LDLRAD4: variants seen among roughly 807,000 people sequenced by gnomAD.
LDLRAD4 encodes low density lipoprotein receptor class A domain containing 4.
In LDLRAD4, 5 loss-of-function variants were observed where a neutral mutation model predicts 17.0. That is an observed-to-expected ratio of 0.29 (90% CI 0.15 to 0.62). LDLRAD4 has a LOEUF of 0.62. LDLRAD4 is among the 20% of genes least tolerant of loss of function. LDLRAD4 has a pLI of 0.84. For missense variants in LDLRAD4, 340 were observed against 424.7 expected, an observed-to-expected ratio of 0.80 and a Z score of 1.75; for synonymous variants, 168 against 171.8, an observed-to-expected ratio of 0.98 and a Z score of 0.17.
chr18:13,284,715 G>T (rs540424482), intron 1 of LDLRAD4, among the ~76,000 whole-genome samples: 2 of 152,132 alleles, frequency 1.3e-5, no homozygotes, highest in African/African-American at 2.4e-5. Context: ...CCTCTGGTGC[G>T]GTTTGGGGGG....
chr18:13,571,084 T>C (rs974907220), intron 3 of LDLRAD4, among the ~76,000 whole-genome samples: 4 of 152,122 alleles, frequency 2.6e-5, no homozygotes, highest in Non-Finnish European at 5.9e-5. Context: ...CCTCCTGAAG[T>C]GCTGGGATTA....
chr18:13,638,830 G>A (rs998796899), intron 4 of LDLRAD4, among the ~76,000 whole-genome samples: 8 of 152,166 alleles, frequency 5.3e-5, no homozygotes, highest in African/African-American at 1.9e-4. Context: ...CAGAGCCCCT[G>A]TCTCCCAGCC....
At chr18:13,469,885 G>C (rs576264887) in intron 3 of LDLRAD4, among the ~76,000 whole-genome samples, 1 of 152,308 alleles carries the variant, frequency 6.6e-6, no homozygotes, top group East Asian at 1.9e-4. Context: ...GATTCTTTGA[G>C]CCAGGGATTT....
chr18:13,645,903 T>G lies in LDLRAD4; in HGVS notation c.*246T>G. On this transcript the variant is annotated 3_prime_UTR_variant, in exon 6 of 6. Coordinates refer to ENST00000359446, the Ensembl canonical transcript of LDLRAD4. This position sits in a 1 kb window ranked among gnomAD's most constrained non-coding sequence, Gnocchi z 5.7. ...TTGGGGACAGGGGTTGGGATGGGGG[T>G]GTGGGCAGGGGAAAACAGAGAACGG... The G allele has an allele frequency of 2.7e-6, 1 of 367,666 alleles. No homozygotes were observed. The allele number at this position is 367,666 out of a possible 1,614,324, so 22.8% of individuals were successfully genotyped here.
Position 13,440,854 on chromosome 18 carries a change from G to C in LDLRAD4, c.181+2470G>C, listed in dbSNP as rs1448696241. ...CAGAGCCATTGTGTACACGGAGCAG[G>C]AATTCACGGGTGTCCACAAGTGCAC... On this transcript the variant is annotated intron_variant, in intron 3 of 5. Coordinates refer to ENST00000359446, the Ensembl canonical transcript of LDLRAD4. This position sits in a 1 kb window ranked among gnomAD's most constrained non-coding sequence, Gnocchi z 4.4. Among the ~76,000 whole-genome samples, 1 of 152,218 alleles carries C rather than the reference G, an allele frequency of 6.6e-6. No homozygotes were observed. The highest frequency in any genetic ancestry group is 2.4e-5 in the African/African-American group (1 of 41,444).
intron 1 of LDLRAD4, among the ~76,000 whole-genome samples, chr18:13,376,832 A>C (rs565705781): frequency 1.3e-5 from 2 of 152,196 alleles, no homozygotes; most frequent in South Asian, 2.1e-4. Flanking sequence ...GTGTGAGAGC[A>C]CACGCACGGG....
intron 3 of LDLRAD4, among the ~76,000 whole-genome samples, chr18:13,453,641 T>C (rs2091965405): frequency 6.6e-6 from 1 of 152,226 alleles, no homozygotes; most frequent in African/African-American, 2.4e-5. Flanking sequence ...AATAGTGTTA[T>C]TATTTTCAGG....
intron 3 of LDLRAD4, among the ~76,000 whole-genome samples, chr18:13,530,870 G>A (rs2147810704): frequency 6.6e-6 from 1 of 150,678 alleles, no homozygotes; most frequent in African/African-American, 2.4e-5. Context: ...CCAGGGTCAT[G>A]GTGGTGTGGG....
At chr18:13,389,819 A>G (rs1219556317) in intron 2 of LDLRAD4, among the ~76,000 whole-genome samples, 2 of 152,022 alleles carry the variant, frequency 1.3e-5, no homozygotes, top group African/African-American at 4.8e-5. Context: ...TGTTTAGAAT[A>G]CTCAGAATCC....
chr18:13,586,570 T>C (rs1423870062), intron 3 of LDLRAD4, among the ~76,000 whole-genome samples: 4 of 151,734 alleles, frequency 2.6e-5, no homozygotes. Context: ...CATCCATATA[T>C]ACAAGGATCT....
chr18:13,303,270 A>G (rs903605934), intron 1 of LDLRAD4, among the ~76,000 whole-genome samples: 5 of 152,166 alleles, frequency 3.3e-5, no homozygotes, highest in Non-Finnish European at 4.4e-5. Flanking sequence ...CCCTAGAGGC[A>G]GGGTCTCACT....
chr18:13,367,841 G>T lies in LDLRAD4; in HGVS notation c.-382-19500G>T, dbSNP rs1205308420. On this transcript the variant is annotated intron_variant, in intron 1 of 5. Coordinates refer to ENST00000359446, the Ensembl canonical transcript of LDLRAD4. This position sits in a 1 kb window ranked among gnomAD's most constrained non-coding sequence, Gnocchi z 4.1. ...AGAGAGAGGGGACAGTGGGGTGTGGGGGTGTGCTATCAAGGGGTGTATCGA... is the reference window on the plus strand; with the variant it reads ...AGAGAGAGGGGACAGTGGGGTGTGGTGGTGTGCTATCAAGGGGTGTATCGA... Among the ~76,000 whole-genome samples the T allele has an allele frequency of 1.3e-5, 2 of 151,968 alleles. No individual in the cohort carries two copies. The highest frequency in any genetic ancestry group is 3.9e-4 in the East Asian group (2 of 5,142).
At chr18:13,255,691 G>T (rs1194958326) in intron 1 of LDLRAD4, among the ~76,000 whole-genome samples, 1 of 152,140 alleles carries the variant, frequency 6.6e-6, no homozygotes, top group Non-Finnish European at 1.5e-5. Flanking sequence ...GAGAGGCAGG[G>T]TGCCATAGGG....
chr18:13,601,703 C>T (rs1179852012), intron 3 of LDLRAD4, among the ~76,000 whole-genome samples: 1 of 151,668 alleles, frequency 6.6e-6, no homozygotes, highest in African/African-American at 2.4e-5. Context: ...CACTTACACA[C>T]TCTTGGTGGA....
chr18:13,289,669 G>C (rs927888985), intron 1 of LDLRAD4, among the ~76,000 whole-genome samples: 7 of 152,214 alleles, frequency 4.6e-5, no homozygotes, highest in African/African-American at 1.7e-4. Context: ...GGGGCCGTCT[G>C]TCTCTATGCT....
chr18:13,319,325 CT>C (rs1481462512), intron 1 of LDLRAD4, among the ~76,000 whole-genome samples: 2 of 152,022 alleles, frequency 1.3e-5, no homozygotes, highest in Non-Finnish European at 2.9e-5. Flanking sequence ...GGCGGGGCAG[CT>C]GGCCCAGGTC....
At chr18:13,350,239 T>G (rs1030555838) in intron 1 of LDLRAD4, among the ~76,000 whole-genome samples, 3 of 152,226 alleles carry the variant, frequency 2.0e-5, no homozygotes, top group Admixed American at 2.0e-4. Context: ...TAATTTACAT[T>G]TCTACCATCA....
At chr18:13,337,597 C>A (rs1423309927) in intron 1 of LDLRAD4, among the ~76,000 whole-genome samples, 1 of 152,096 alleles carries the variant, frequency 6.6e-6, no homozygotes, top group Non-Finnish European at 1.5e-5. Flanking sequence ...TGATTTTCAA[C>A]ATTCAGTTTA....
chr18:13,631,797 C>T (rs554100761), intron 4 of LDLRAD4, among the ~76,000 whole-genome samples: 18 of 152,046 alleles, frequency 1.2e-4, no homozygotes, highest in Non-Finnish European at 1.9e-4. Flanking sequence ...CATGGGGGCA[C>T]GCACCTGCAA....
Sources: allele counts gnomAD v4.1 joint callset (sites outside exome capture counted in the v4.1 genomes callset), GRCh38; gene constraint gnomAD v4.1.1; non-coding constraint Gnocchi (gnomAD v3.1); transcripts MANE v1.5; gene names NCBI Gene and HGNC (gene_info 2026-07-23, HGNC 2026-07-21).